Variants in SNTG1 observed in about 807,000 individuals in gnomAD.
SNTG1 encodes gamma-1-syntrophin.
SNTG1 carries 39 observed loss-of-function variants against 74.7 expected under a neutral mutation model. The ratio of observed to expected loss-of-function variants is 0.52; its 90% confidence interval spans 0.40 to 0.68. The LOEUF (loss-of-function observed/expected upper bound fraction) is 0.68, where lower values mean the gene tolerates loss of function less well. Ranked by LOEUF, SNTG1 falls within the 30% of genes least tolerant of loss-of-function variation. The pLI is 0.00. For missense variants in SNTG1, 685 were observed against 609.5 expected, an observed-to-expected ratio of 1.12 and a Z score of -1.30; for synonymous variants, 254 against 217.1, an observed-to-expected ratio of 1.17 and a Z score of -1.49.
rs2095698744 is a variant in SNTG1, at chr8:50,794,083, C to T, written c.*1254C>T. ...ACACAGTCTCTGTCCTTCAGTACAG[C>T]TTTTTTGAGATATTTTAAAAAGTCA... is the stretch of plus-strand genomic sequence containing the variant. On this transcript the variant is annotated 3_prime_UTR_variant, in exon 19 of 19. Coordinates refer to ENST00000642720, the MANE Select transcript of SNTG1 (RefSeq NM_018967.5). 1 of 150,582 alleles carries T rather than the reference C, an allele frequency of 6.6e-6. No individual in the cohort carries two copies. Among genetic ancestry groups the T allele is most frequent in the South Asian group, 2.1e-4 (1 of 4,788 alleles). 9.3% of individuals were successfully genotyped at this position (150,582 alleles called of 1,614,324 possible). A position where few individuals can be genotyped will look rare whatever the true frequency, so the allele number is the denominator to read the frequency against.
At chr8:49,979,992 C>T (rs1812530608) in intron 1 of SNTG1, among the ~76,000 whole-genome samples, 1 of 152,200 alleles carries the variant, frequency 6.6e-6, no homozygotes, top group South Asian at 2.1e-4. Flanking sequence ...ATTTGACAGA[C>T]ACACTCATAT....
intron 1 of SNTG1, among the ~76,000 whole-genome samples, chr8:49,919,240 G>A (rs1806313717): frequency 6.6e-6 from 1 of 152,074 alleles, no homozygotes; most frequent in African/African-American, 2.4e-5. Context: ...GATGTACTGG[G>A]ATTGACCAAG....
At chr8:50,523,620 T>C (rs1049308214) in intron 9 of SNTG1, among the ~76,000 whole-genome samples, 1 of 152,170 alleles carries the variant, frequency 6.6e-6, no homozygotes, top group Non-Finnish European at 1.5e-5. Context: ...TTAAGTTCCT[T>C]GCCTTATGTG....
rs1270437276 is a variant in SNTG1 at position 50,581,171 on chromosome 8, A to G, written c.811-9708A>G. Among the ~76,000 whole-genome samples the G allele has an allele frequency of 2.0e-5, 3 of 152,334 alleles. 1 individual carries two copies. Among genetic ancestry groups the G allele is most frequent in the Middle Eastern group, 6.8e-3 (2 of 292 alleles). On this transcript the variant is annotated intron_variant, in intron 12 of 18. Transcript: ENST00000642720. ...TATCAAGAGCACATAAAATTATAAG[A>G]ATGTGCACTTGCATTTATGATGTTC... is the stretch of plus-strand genomic sequence containing the variant.
At chr8:50,420,947 C>T (rs1242508838) in intron 4 of SNTG1, among the ~76,000 whole-genome samples, 1 of 143,882 alleles carries the variant, frequency 7.0e-6, no homozygotes, top group Non-Finnish European at 1.5e-5. Context: ...ATTGTTTGAA[C>T]CAAGGAGGTG....
intron 1 of SNTG1, among the ~76,000 whole-genome samples, chr8:50,020,218 A>C (rs1816697363): frequency 6.6e-6 from 1 of 152,090 alleles, no homozygotes; most frequent in Non-Finnish European, 1.5e-5. Context: ...CTCCTCTTTT[A>C]TCTTGTATTA....
intron 2 of SNTG1, among the ~76,000 whole-genome samples, chr8:50,207,002 A>T (rs920612444): frequency 6.6e-6 from 1 of 152,268 alleles, no homozygotes; most frequent in East Asian, 1.9e-4. Context: ...ATTAATGTTC[A>T]TCAGGGATAT....
chr8:50,005,007 G>A (rs1017486399), intron 1 of SNTG1, among the ~76,000 whole-genome samples: 3 of 152,044 alleles, frequency 2.0e-5, no homozygotes, highest in Non-Finnish European at 2.9e-5. Flanking sequence ...TTTTCCGCGA[G>A]CCAGATACAT....
chr8:50,303,946 T>C (rs73678734), intron 2 of SNTG1, among the ~76,000 whole-genome samples: 7,405 of 152,152 alleles, frequency 0.049, 409 homozygotes, highest in South Asian at 0.17. Flanking sequence ...AGTAGAATGC[T>C]GCAAATCACA....
intron 5 of SNTG1, among the ~76,000 whole-genome samples, chr8:50,444,675 G>A (rs1226899540): frequency 6.6e-6 from 1 of 151,628 alleles, no homozygotes; most frequent in East Asian, 1.9e-4. Context: ...GCTTGAACCT[G>A]GGAGGCAGAG....
chr8:50,153,915 T>G (rs1483856725), intron 1 of SNTG1, among the ~76,000 whole-genome samples: 1 of 152,166 alleles, frequency 6.6e-6, no homozygotes, highest in East Asian at 1.9e-4. Context: ...GGAGAACCAC[T>G]ACTCTCTTTG....
chr8:50,344,839 G>A (rs775493868), intron 2 of SNTG1, among the ~76,000 whole-genome samples: 3 of 152,202 alleles, frequency 2.0e-5, no homozygotes, highest in Non-Finnish European at 4.4e-5. Context: ...ACCTCAGACT[G>A]TGACTGTATT....
rs1442939656 is a variant in SNTG1, at chr8:50,122,646, G to C, written c.-102-49915G>C. ...GGTAGCTCAGGAGCAGTGGGAAGAT[G>C]GTTGGCAGCATAAGGAGGCACTGTG... On this transcript the variant is annotated intron_variant, in intron 1 of 18. Coordinates refer to ENST00000642720, the MANE Select transcript of SNTG1 (RefSeq NM_018967.5). Among the ~76,000 whole-genome samples, 2 of 141,836 alleles carry C rather than the reference G, an allele frequency of 1.4e-5. 1 individual carries two copies. Among genetic ancestry groups the C allele is most frequent in the Non-Finnish European group, 3.1e-5 (2 of 63,774 alleles). 93.0% of individuals were successfully genotyped at this position (141,836 alleles called of 152,430 possible).
intron 15 of SNTG1, among the ~76,000 whole-genome samples, chr8:50,674,496 A>G (rs1223980113): frequency 1.5e-4 from 22 of 151,722 alleles, no homozygotes; most frequent in Admixed American, 1.4e-3. Context: ...GGTAGTTTGT[A>G]TTTCTCTGGG....
chr8:50,514,352 A>G (rs908880478), intron 9 of SNTG1, among the ~76,000 whole-genome samples: 2 of 152,142 alleles, frequency 1.3e-5, no homozygotes, highest in African/African-American at 4.8e-5. Flanking sequence ...TAAAATACAT[A>G]TGTTTACTGA....
At chr8:50,082,948 C>T (rs142865090) in intron 1 of SNTG1, among the ~76,000 whole-genome samples, 1 of 152,240 alleles carries the variant, frequency 6.6e-6, no homozygotes, top group East Asian at 1.9e-4. Context: ...CTAATGGAGC[C>T]ACTGACCTCT....
chr8:50,175,726 A>T (rs1319218345), intron 2 of SNTG1, among the ~76,000 whole-genome samples: 1 of 152,174 alleles, frequency 6.6e-6, no homozygotes, highest in African/African-American at 2.4e-5. Flanking sequence ...AAATAATGGA[A>T]ATTCACTTGA....
chr8:50,125,991 G>A (rs2081126007), intron 1 of SNTG1, among the ~76,000 whole-genome samples: 2 of 152,122 alleles, frequency 1.3e-5, no homozygotes, highest in South Asian at 2.1e-4. Flanking sequence ...AAGAAGAGCT[G>A]TCTCTGGTTG....
chr8:50,694,864 C>A (rs1031563215), intron 15 of SNTG1, among the ~76,000 whole-genome samples: 1 of 147,640 alleles, frequency 6.8e-6, no homozygotes. Context: ...AAGCATTTGA[C>A]AAAATTCAAC....
Sources: allele counts gnomAD v4.1 joint callset (sites outside exome capture counted in the v4.1 genomes callset), GRCh38; gene constraint gnomAD v4.1.1; transcripts MANE v1.5; gene names NCBI Gene and HGNC (gene_info 2026-07-23, HGNC 2026-07-21).